PCCA: variants seen among roughly 807,000 people sequenced by gnomAD.
PCCA encodes the protein propionyl-CoA carboxylase subunit alpha.
In PCCA, 74 loss-of-function variants were observed where a neutral mutation model predicts 101.3. The observed-to-expected ratio is 0.73, with a 90% CI of 0.61 to 0.89. PCCA has a LOEUF of 0.89. Among genes scored for constraint, PCCA ranks in the 40% least tolerant of loss-of-function variants. The pLI is 0.00. For synonymous variants in PCCA, 294 were observed against 313.6 expected (o/e 0.94, Z 0.66); for missense variants, 891 against 907.0 (o/e 0.98, Z 0.23).
intron 19 of PCCA, among the ~76,000 whole-genome samples, chr13:100,401,718 A>C (rs2077375760): frequency 6.6e-6 from 1 of 152,186 alleles, no homozygotes; most frequent in African/African-American, 2.4e-5. Flanking sequence ...AAGTGCTACC[A>C]AAACCAATAT....
At position 100,153,239 on chromosome 13, in the gene PCCA, G is replaced by T. The variant is rs186467615; in HGVS notation, c.301-1740G>T. 2.6e-5 allele frequency among the ~76,000 whole-genome samples: 4 copies of T among 152,260 alleles called. No individual in the cohort carries two copies. In the South Asian group the frequency reaches 8.3e-4, roughly 32 times the overall value. On this transcript the variant is annotated intron_variant, in intron 4 of 23. Coordinates refer to ENST00000376285, the MANE Select transcript of PCCA (RefSeq NM_000282.4). Reference sequence around the variant, plus strand: ...GGAGATTAAAAAAAGAATTTAAGGCGTAACCTTATGATCTGGTGGAGGAGA... The same window carrying T: ...GGAGATTAAAAAAAGAATTTAAGGCTTAACCTTATGATCTGGTGGAGGAGA...
chr13:100,516,312 T>G lies in PCCA; in HGVS notation c.2040+745T>G, dbSNP rs556291366. Among the ~76,000 whole-genome samples the G allele has an allele frequency of 2.0e-5, 3 of 152,370 alleles. No individual in the cohort carries two copies. The South Asian group carries it at 6.2e-4, about 32-fold the overall frequency. ...AGCATCCGGACATGACTGTCTCTCA[T>G]GGATGAGGTGGTGATTCCGTTTTGT... On this transcript the variant is annotated intron_variant, in intron 22 of 23. Coordinates refer to ENST00000376285, the MANE Select transcript of PCCA (RefSeq NM_000282.4).
intron 21 of PCCA, among the ~76,000 whole-genome samples, chr13:100,496,083 G>C (rs2085255468): frequency 6.6e-6 from 1 of 152,170 alleles, no homozygotes; most frequent in African/African-American, 2.4e-5. Context: ...CATCGACACA[G>C]GACAACATTC....
intron 22 of PCCA, among the ~76,000 whole-genome samples, chr13:100,524,762 C>T (rs953175903): frequency 2.0e-5 from 3 of 152,244 alleles, no homozygotes; most frequent in African/African-American, 7.2e-5. Context: ...TTCCCAGCTA[C>T]TCAGGAGGCT....
At chr13:100,527,551 G>T in intron 22 of PCCA, 124 bp from the exon 23 acceptor site, 1 of 727,190 alleles carries the variant, frequency 1.4e-6, no homozygotes, top group East Asian at 2.6e-5. Flanking sequence ...ATTAGAGATT[G>T]TTGCTGCTGT....
At chr13:100,201,686 C>T (rs1304513523) in intron 6 of PCCA, among the ~76,000 whole-genome samples, 5 of 151,546 alleles carry the variant, frequency 3.3e-5, no homozygotes, top group African/African-American at 7.3e-5. Flanking sequence ...GGTGAAACCC[C>T]GTCCCTACTA....
intron 21 of PCCA, among the ~76,000 whole-genome samples, chr13:100,472,319 T>A (rs973695470): frequency 1.3e-5 from 2 of 151,968 alleles, no homozygotes; most frequent in Non-Finnish European, 2.9e-5. Flanking sequence ...CTCCCCTGTC[T>A]ACCGGGGAGA....
chr13:100,430,296 A>C (rs2079451840), intron 20 of PCCA, among the ~76,000 whole-genome samples: 1 of 151,604 alleles, frequency 6.6e-6, no homozygotes, highest in Non-Finnish European at 1.5e-5. Flanking sequence ...AAAAACCAAA[A>C]CATTATCAGT....
intron 2 of PCCA, among the ~76,000 whole-genome samples, chr13:100,111,205 G>A (rs1004350706): frequency 2.0e-5 from 1 of 49,480 alleles, no homozygotes; most frequent in Non-Finnish European, 4.2e-5. Flanking sequence ...TTTTTTTTTT[G>A]TATTTTTAGT....
chr13:100,233,585 T>C (rs2060615769), intron 7 of PCCA, among the ~76,000 whole-genome samples: 1 of 152,214 alleles, frequency 6.6e-6, no homozygotes, highest in African/African-American at 2.4e-5. Context: ...ATAATAAAAC[T>C]TCATGTTCTC....
At chr13:100,150,146 G>C (rs1247475244) in intron 4 of PCCA, among the ~76,000 whole-genome samples, 1 of 145,840 alleles carries the variant, frequency 6.9e-6, no homozygotes, top group Admixed American at 7.2e-5. Context: ...TCCTGCCTCA[G>C]CCTCCCGAGT....
chr13:100,500,100 A>C (rs1202023592), intron 21 of PCCA, among the ~76,000 whole-genome samples: 1 of 152,226 alleles, frequency 6.6e-6, no homozygotes. Context: ...CCAGGAAAAA[A>C]GCTAAACAAT....
intron 11 of PCCA, among the ~76,000 whole-genome samples, chr13:100,272,096 T>A (rs190681571): frequency 6.6e-6 from 1 of 152,232 alleles, no homozygotes; most frequent in African/African-American, 2.4e-5. Flanking sequence ...AGTGGTTTGA[T>A]GATATTTTTT....
intron 18 of PCCA, among the ~76,000 whole-genome samples, chr13:100,345,075 C>G (rs1260210919): frequency 1.3e-5 from 2 of 152,140 alleles, no homozygotes; most frequent in Non-Finnish European, 2.9e-5. Context: ...TCCCTATTCC[C>G]TGAGATAAAG....
At chr13:100,291,869 A>G (rs904220036) in intron 12 of PCCA, among the ~76,000 whole-genome samples, 2 of 152,216 alleles carry the variant, frequency 1.3e-5, no homozygotes, top group Non-Finnish European at 2.9e-5. Flanking sequence ...GTCTGTCTCC[A>G]TGATGTGTTC....
At chr13:100,358,306 C>T (rs2152795096) in intron 18 of PCCA, among the ~76,000 whole-genome samples, 1 of 152,274 alleles carries the variant, frequency 6.6e-6, no homozygotes, top group Middle Eastern at 3.4e-3. Flanking sequence ...CTGACAACAT[C>T]TCCACAATAC....
chr13:100,221,461 T>G (rs1465889690), intron 7 of PCCA, among the ~76,000 whole-genome samples: 1 of 152,192 alleles, frequency 6.6e-6, no homozygotes, highest in African/African-American at 2.4e-5. Context: ...TTATTTTGGT[T>G]ATCTTCTTAG....
chr13:100,337,141 G>T (rs928245435), intron 17 of PCCA, among the ~76,000 whole-genome samples: 3 of 152,194 alleles, frequency 2.0e-5, no homozygotes, highest in Admixed American at 2.0e-4. Flanking sequence ...AGTTTTAGGT[G>T]TGTAGGATTC....
At chr13:100,463,319 T>C (rs1023418949) in intron 21 of PCCA, among the ~76,000 whole-genome samples, 7 of 147,244 alleles carry the variant, frequency 4.8e-5, no homozygotes, top group African/African-American at 1.8e-4. Context: ...TCAGAGGTGG[T>C]TGGTTTTATT....
Sources: allele counts gnomAD v4.1 joint callset (sites outside exome capture counted in the v4.1 genomes callset), GRCh38; gene constraint gnomAD v4.1.1; transcripts MANE v1.5; gene names NCBI Gene and HGNC (gene_info 2026-07-23, HGNC 2026-07-21).